The following ZNF391 variants were observed in gnomAD, a reference collection of about 807,000 sequenced individuals.
ZNF391 encodes the protein zinc finger protein 391.
For missense variants in ZNF391, 375 were observed against 425.5 expected (o/e 0.88, Z 1.04); for synonymous variants, 126 against 142.1 (o/e 0.89, Z 0.80).
At chr6:27,384,470 AAAAAAAAAAAAAAGAGAG>A (rs1361250783), upstream of ZNF391, among the ~76,000 whole-genome samples, 2 of 70,674 alleles carry the variant, frequency 2.8e-5, no homozygotes, top group African/African-American at 9.2e-5. Context: ...TCTCAAAAAA[AAAAAAAAAAAAAAGAGAG>A]AGAGAGAGAG....
chr6:27,399,025 A>AG, intron 1 of ZNF391, among the ~76,000 whole-genome samples: 1 of 152,276 alleles, frequency 6.6e-6, no homozygotes, highest in African/African-American at 2.4e-5. Flanking sequence ...GAAGAATGTT[A>AG]GGGGTCAGAA....
chr6:27,388,435 C>G (rs1360437381), upstream of ZNF391, among the ~76,000 whole-genome samples: 1 of 151,978 alleles, frequency 6.6e-6, no homozygotes, highest in East Asian at 1.9e-4. Flanking sequence ...ATGCAATGTT[C>G]CGGGCCAACG....
intron 1 of ZNF391, among the ~76,000 whole-genome samples, chr6:27,394,137 G>C (rs1482728777): frequency 2.0e-5 from 3 of 152,198 alleles, no homozygotes; most frequent in African/African-American, 7.2e-5. Flanking sequence ...TTGCTATAGA[G>C]AGTTGCATAA....
intron 1 of ZNF391, among the ~76,000 whole-genome samples, chr6:27,395,814 T>G (rs540572001): frequency 6.6e-6 from 1 of 152,302 alleles, no homozygotes; most frequent in African/African-American, 2.4e-5. Flanking sequence ...CTCCTTGGTT[T>G]CATAATGCCT....
chr6:27,380,938 C>T (rs550861170), intron 1 of ZNF391, among the ~76,000 whole-genome samples: 1 of 152,326 alleles, frequency 6.6e-6, no homozygotes, highest in Admixed American at 6.5e-5. Flanking sequence ...GGTGTATTTA[C>T]AATCCCTGAG....
intron 1 of ZNF391, among the ~76,000 whole-genome samples, chr6:27,398,732 A>G (rs1987278): frequency 0.71 from 107,682 of 151,524 alleles, 38,448 homozygotes; most frequent in Middle Eastern, 0.82. Context: ...GGTGGCGAGC[A>G]CCTGTAGTCC....
intron 1 of ZNF391, among the ~76,000 whole-genome samples, chr6:27,381,293 C>T (rs955446399): frequency 9.2e-5 from 14 of 152,164 alleles, no homozygotes; most frequent in Admixed American, 4.6e-4. Context: ...GTACACCTTC[C>T]GCAGCCGCTG....
rs79511728 is a variant in ZNF391, at chr6:27,376,080, T to C, written n.523+943T>C. On this transcript the variant is annotated intron_variant and non_coding_transcript_variant, in intron 1 of 2. Coordinates refer to the ZNF391 transcript ENST00000477999. The surrounding 1 kb of genome is among the most constrained non-coding windows in gnomAD (Gnocchi z 4.7). ...CTATACCTGAAGTGTGAAACAGTTG[T>C]ATGTTTCCTGCCTCCAGGCCCTATT... Among the ~76,000 whole-genome samples the C allele has an allele frequency of 7.7e-4, 118 of 152,330 alleles. No homozygotes were observed. In the East Asian group the frequency reaches 0.016, roughly 21 times the overall value.
intron 1 of ZNF391, among the ~76,000 whole-genome samples, chr6:27,392,333 G>A (rs940151800): frequency 6.6e-6 from 1 of 152,124 alleles, no homozygotes; most frequent in Non-Finnish European, 1.5e-5. Context: ...TTGGCTCACT[G>A]CAACCTCTAC....
In ZNF391 at chr6:27,401,437, C is replaced by T. The variant is rs770817334; in HGVS notation, c.1067C>T (p.Thr356Ile). Residue 356 changes from threonine (T) to isoleucine (I), a missense_variant, in exon 3 of 3, where the codon ACT becomes ATT. Thr to Ile is a moderately conservative substitution (Grantham distance 89, BLOSUM62 -1). Coordinates refer to ENST00000244576, the MANE Select transcript of ZNF391 (RefSeq NM_001076781.3). ...STLIRHQHLH[T>I]KE Reference sequence around the variant, plus strand: ...CTGATCAGACATCAGCACCTTCATACTAAAGAGTAATATCTGAGCTTTTAT... The same window carrying T: ...CTGATCAGACATCAGCACCTTCATATTAAAGAGTAATATCTGAGCTTTTAT... The T allele has an allele frequency of 1.3e-5, 21 of 1,603,878 alleles. No homozygotes were observed. Among genetic ancestry groups the T allele is most frequent in the East Asian group, 4.5e-5 (2 of 44,820 alleles).
chr6:27,381,158 C>A (rs1344240614), intron 1 of ZNF391, among the ~76,000 whole-genome samples: 2 of 152,220 alleles, frequency 1.3e-5, no homozygotes, highest in African/African-American at 4.8e-5. Flanking sequence ...CAGGAGCCCA[C>A]GGAGGGGGTG....
At chr6:27,384,428 C>T (rs1004913843), upstream of ZNF391, among the ~76,000 whole-genome samples, 1 of 143,074 alleles carries the variant, frequency 7.0e-6, no homozygotes, top group African/African-American at 2.7e-5. Context: ...CACACCACTG[C>T]ACTCCAGCCT....
intron 1 of ZNF391, among the ~76,000 whole-genome samples, chr6:27,390,645 A>G (rs996558550): frequency 5.9e-5 from 9 of 152,178 alleles, no homozygotes; most frequent in Admixed American, 5.9e-4. Context: ...AAAAGAATGC[A>G]TCTCTCCATG....
rs1054719573 is a variant in ZNF391 at position 27,402,868 on chromosome 6, A to G, written c.*1421A>G. On this transcript the variant is annotated 3_prime_UTR_variant, in exon 3 of 3. Coordinates refer to ENST00000244576, the MANE Select transcript of ZNF391 (RefSeq NM_001076781.3). Reference sequence around the variant, plus strand: ...CGGCTTCCGAAAACACTGACATTACAGGTGTGAGCCACCACACCTGCCAGA... The same window carrying G: ...CGGCTTCCGAAAACACTGACATTACGGGTGTGAGCCACCACACCTGCCAGA... 6.6e-6 allele frequency: 1 copy of G among 152,220 alleles called. No individual in the cohort carries two copies. Among genetic ancestry groups the G allele is most frequent in the Non-Finnish European group, 1.5e-5 (1 of 68,046 alleles). The allele number at this position is 152,220 out of a possible 1,614,324, so 9.4% of individuals were successfully genotyped here.
chr6:27,389,002 C>G lies in ZNF391; in HGVS notation c.-261C>G. The stretch of plus-strand genomic sequence containing the variant: ...CTCAGGTTCCGCTCCAAGTGCGGGA[C>G]CCGCCCGGGGTGTGTCGGGGGTACT... On this transcript the variant is annotated 5_prime_UTR_variant, in exon 1 of 3. Coordinates refer to ENST00000244576, the MANE Select transcript of ZNF391 (RefSeq NM_001076781.3). 2.2e-6 allele frequency: 1 copy of G among 456,492 alleles called. No homozygotes were observed. The highest frequency in any genetic ancestry group is 1.5e-5 in the South Asian group (1 of 64,546). The allele number at this position is 456,492 out of a possible 1,614,324, so 28.3% of individuals were successfully genotyped here. A position where few individuals can be genotyped will look rare whatever the true frequency, so the allele number is the denominator to read the frequency against.
intron 1 of ZNF391, among the ~76,000 whole-genome samples, chr6:27,398,850 C>T (rs1018612477): frequency 1.3e-5 from 2 of 151,716 alleles, no homozygotes; most frequent in African/African-American, 4.8e-5. Context: ...CAGAGCGAGA[C>T]TCCATCTCAA....
rs972809058 is a variant in ZNF391 at position 27,380,297 on chromosome 6, G to A, written n.523+5160G>A. Among the ~76,000 whole-genome samples the A allele has an allele frequency of 3.3e-5, 5 of 151,536 alleles. No individual in the cohort carries two copies. The East Asian group carries it at 9.6e-4, about 29-fold the overall frequency. ...TTCCTTCTGATGTTCCAATGAATTG[G>A]GAGTTTCCTCCTTCTAGTGGGTGCA... On this transcript the variant is annotated intron_variant and non_coding_transcript_variant, in intron 1 of 2. Coordinates refer to the ZNF391 transcript ENST00000477999.
At chr6:27,389,500 T>C (rs1561810425) in intron 1 of ZNF391, 1 of 441,096 alleles carries the variant, frequency 2.3e-6, no homozygotes, top group Admixed American at 2.7e-5. Flanking sequence ...GATAAGGAAA[T>C]TGAGGCACAC....
At chr6:27,390,387 A>G (rs35120058) in intron 1 of ZNF391, among the ~76,000 whole-genome samples, 13,561 of 152,244 alleles carry the variant, frequency 0.089, 762 homozygotes, top group African/African-American at 0.15. Flanking sequence ...GAGAATAATG[A>G]TTTTGTAGGG....
Sources: gnomAD v4.1 joint callset for allele counts (sites outside exome capture counted in the v4.1 genomes callset) on GRCh38, gnomAD v4.1.1 for gene constraint, Gnocchi (gnomAD v3.1) non-coding constraint, MANE v1.5 for transcripts, NCBI Gene and HGNC (gene_info 2026-07-23, HGNC 2026-07-21) for gene names.